Variants in RPH3A observed in about 807,000 individuals in gnomAD.
RPH3A encodes the protein rabphilin 3A, also known as rabphilin-3A.
A neutral mutation model predicts 102.2 loss-of-function variants in RPH3A; 48 were observed. The ratio of observed to expected loss-of-function variants is 0.47; its 90% CI spans 0.37 to 0.60. RPH3A has a LOEUF of 0.60. Among genes scored for constraint, RPH3A ranks in the 20% least tolerant of loss-of-function variants. The probability of loss-of-function intolerance (pLI) is 0.00; values close to 1 mark genes in which losing one functional copy is unlikely to be tolerated. For synonymous variants in RPH3A, 310 were observed against 324.3 expected, an observed-to-expected ratio of 0.96 and a Z score of 0.47; for missense variants, 781 against 910.1, an observed-to-expected ratio of 0.86 and a Z score of 1.83.
At chr12:112,653,357 G>A (rs974514076) in intron 1 of RPH3A, among the ~76,000 whole-genome samples, 4 of 146,280 alleles carry the variant, frequency 2.7e-5, no homozygotes, top group Middle Eastern at 3.5e-3. Context: ...GTGACACAGC[G>A]AGACTCCATC....
At chr12:112,892,016 C>G (rs958786217) in intron 19 of RPH3A, among the ~76,000 whole-genome samples, 1 of 152,178 alleles carries the variant, frequency 6.6e-6, no homozygotes. Context: ...CACTTATCTC[C>G]AAGGTGGGCT....
chr12:112,860,460 G>A lies in RPH3A; in HGVS notation c.231-4954G>A, dbSNP rs149770532. On this transcript the variant is annotated intron_variant, in intron 5 of 21. Coordinates refer to ENST00000389385, the MANE Select transcript of RPH3A (RefSeq NM_001143854.2). ...ACGTGTGTTCATGAGGCCTTTTGGC[G>A]TCCAGGAGTTAATGGTGAAAGGAGC... 9.2e-5 allele frequency among the ~76,000 whole-genome samples: 14 copies of A among 152,290 alleles called. 1 individual carries two copies. The South Asian group carries it at 1.0e-3, about 11-fold the overall frequency.
At position 112,870,049 on chromosome 12, in the gene RPH3A, A is replaced by T; in HGVS notation, c.796+10A>T. 2 of 1,607,788 alleles carry T rather than the reference A, an allele frequency of 1.2e-6. No homozygotes were observed. The highest frequency in any genetic ancestry group is 1.7e-5 in the Admixed American group (1 of 58,352). On this transcript the variant is annotated intron_variant, in intron 10 of 21. Transcript: ENST00000389385. ...AGCCGGAGCCCAGCAGGTGAGCAAG[A>T]TGGGCAAATCCAGAGACAGTTCTCT...
chr12:112,825,623 A>G (rs966151644), intron 2 of RPH3A, among the ~76,000 whole-genome samples: 1 of 152,176 alleles, frequency 6.6e-6, no homozygotes, highest in Non-Finnish European at 1.5e-5. Flanking sequence ...CCGCACTGAC[A>G]GTGTTGATGG....
chr12:112,674,485 G>A (rs1367979669), intron 1 of RPH3A, among the ~76,000 whole-genome samples: 1 of 152,184 alleles, frequency 6.6e-6, no homozygotes, highest in Non-Finnish European at 1.5e-5. Flanking sequence ...ATAGGTATCT[G>A]ATAATGCTGG....
chr12:112,735,678 G>A (rs942798019), intron 1 of RPH3A, among the ~76,000 whole-genome samples: 1 of 152,170 alleles, frequency 6.6e-6, no homozygotes, highest in Non-Finnish European at 1.5e-5. Context: ...AGAATTTAGG[G>A]TTCACTAGAC....
chr12:112,720,181 T>C (rs142375821), intron 1 of RPH3A, among the ~76,000 whole-genome samples: 2 of 152,364 alleles, frequency 1.3e-5, no homozygotes, highest in East Asian at 3.9e-4. Context: ...GTGTGGTATG[T>C]GCACATGCAC....
chr12:112,768,498 C>T (rs866045223), intron 1 of RPH3A, among the ~76,000 whole-genome samples: 2 of 152,246 alleles, frequency 1.3e-5, no homozygotes, highest in Non-Finnish European at 2.9e-5. Context: ...GGCCTTTGCA[C>T]TTGCATTCCC....
chr12:112,808,418 G>A (rs2041509883), intron 2 of RPH3A, among the ~76,000 whole-genome samples: 1 of 152,212 alleles, frequency 6.6e-6, no homozygotes, highest in African/African-American at 2.4e-5. Context: ...GCAAGGGTTT[G>A]GGCCGCTGGT....
chr12:112,684,614 A>G (rs1592942408), intron 1 of RPH3A, among the ~76,000 whole-genome samples: 1 of 152,128 alleles, frequency 6.6e-6, no homozygotes, highest in African/African-American at 2.4e-5. Flanking sequence ...CAAAAGATCA[A>G]TCTCCTGTTA....
chr12:112,627,721 T>G (rs1343268301), intron 1 of RPH3A, among the ~76,000 whole-genome samples: 1 of 152,156 alleles, frequency 6.6e-6, no homozygotes, highest in South Asian at 2.1e-4. Context: ...AAAAGTAGAC[T>G]GTGGATGAGG....
In RPH3A at chr12:112,876,704, G is replaced by A. The variant is rs144497607; in HGVS notation, c.1009G>A (p.Gly337Arg). The A allele has an allele frequency of 9.6e-5, 155 of 1,613,132 alleles. 1 individual carries two copies. In the African/African-American group the frequency reaches 1.8e-3, roughly 19 times the overall value. Reference sequence around the variant, plus strand: ...CCGAGAGGAGAGAACAGGGGGAGTCGGGGGCTACCCAGCAGTTGGAGCCAG... The same window carrying A: ...CCGAGAGGAGAGAACAGGGGGAGTCAGGGGCTACCCAGCAGTTGGAGCCAG... ...PPREERTGGV[G>R]GYPAVGARED... The change falls in exon 13 of 22, where the codon GGG (glycine) becomes AGG (arginine). Residue 337 changes from glycine to arginine, a missense_variant. Gly to Arg is a moderately radical substitution (Grantham distance 125). Transcript: ENST00000389385.
chr12:112,629,219 C>T (rs916401041), intron 1 of RPH3A, among the ~76,000 whole-genome samples: 2 of 151,954 alleles, frequency 1.3e-5, no homozygotes, highest in Admixed American at 6.6e-5. Context: ...CTCGGGAGGC[C>T]CCAGGCTCAC....
chr12:112,868,126 C>T (rs1644121352), intron 7 of RPH3A: 1 of 272,036 alleles, frequency 3.7e-6, no homozygotes, highest in Non-Finnish European at 6.9e-6. Context: ...TGGAGTTGAG[C>T]CCTTGTTTTT....
At chr12:112,615,687 C>T (rs190690041) in intron 1 of RPH3A, among the ~76,000 whole-genome samples, 4 of 152,224 alleles carry the variant, frequency 2.6e-5, no homozygotes, top group Non-Finnish European at 1.5e-5. Context: ...ACTTGACGAC[C>T]GTGTCCAAGG....
At chr12:112,695,885 G>A (rs2040348003) in intron 1 of RPH3A, among the ~76,000 whole-genome samples, 1 of 152,074 alleles carries the variant, frequency 6.6e-6, no homozygotes, top group African/African-American at 2.4e-5. Context: ...GTGGTTTTTG[G>A]TTACATGGAT....
chr12:112,789,697 A>T (rs1433601400), upstream of RPH3A, among the ~76,000 whole-genome samples: 1 of 151,754 alleles, frequency 6.6e-6, no homozygotes, highest in Non-Finnish European at 1.5e-5. Flanking sequence ...CACCACCACC[A>T]CCATAATCAT....
intron 3 of RPH3A, among the ~76,000 whole-genome samples, chr12:112,831,325 T>G (rs1371900246): frequency 6.6e-6 from 1 of 152,140 alleles, no homozygotes; most frequent in African/African-American, 2.4e-5. Flanking sequence ...TTCAGTCATA[T>G]GGTTCATTCC....
Position 112,890,031 on chromosome 12 carries a change from G to T in RPH3A, c.1571G>T (p.Arg524Leu), listed in dbSNP as rs757435949. Residue 524 changes from arginine to leucine, a missense_variant, in exon 18 of 22, where the codon CGT becomes CTT. Physicochemically the swap from Arg to Leu is moderately radical, Grantham distance 102. Around this residue, in one of 2 missense-constraint regions of RPH3A, gnomAD observed 730 missense variants for 810.0 expected, o/e 0.90. Transcript: ENST00000389385. ...ICLERVIPMK[R>L]AGTTGSARGM... ...TTGTTTTCTTCTTTTAAGATGAAACGTGCTGGGACCACCGGGTCAGCCCGA... is the reference window on the plus strand; with the variant it reads ...TTGTTTTCTTCTTTTAAGATGAAACTTGCTGGGACCACCGGGTCAGCCCGA... The T allele has an allele frequency of 4.3e-6, 7 of 1,613,526 alleles. No individual in the cohort carries two copies. Among genetic ancestry groups the T allele is most frequent in the Non-Finnish European group, 5.9e-6 (7 of 1,179,926 alleles).
Sources: allele counts gnomAD v4.1 joint callset (sites outside exome capture counted in the v4.1 genomes callset), GRCh38; gene constraint gnomAD v4.1.1; regional missense constraint gnomAD v4.1.1; transcripts MANE v1.5; gene names NCBI Gene and HGNC (gene_info 2026-07-23, HGNC 2026-07-21).